Variants in USP37 observed in about 807,000 individuals in gnomAD.
USP37 encodes ubiquitin carboxyl-terminal hydrolase 37.
A neutral mutation model predicts 124.0 loss-of-function variants in USP37; 27 were observed. That is an observed-to-expected ratio of 0.22 (90% confidence interval 0.16 to 0.30). The LOEUF is 0.30. USP37 is among the 10% of genes least tolerant of loss of function. The probability of loss-of-function intolerance (pLI) is 1.00; values close to 1 mark genes in which losing one functional copy is unlikely to be tolerated. For synonymous variants in USP37, 365 were observed against 388.0 expected (o/e 0.94, Z 0.70); for missense variants, 889 against 1,140.4 (o/e 0.78, Z 3.17).
At chr2:218,558,401 TAGG>T (rs915166749) in intron 4 of USP37, 94 bp downstream of exon 4, 4 of 1,078,024 alleles carry the variant, frequency 3.7e-6, no homozygotes, top group Non-Finnish European at 5.1e-6. Context: ...AATATTAATC[TAGG>T]AGGAGGGCTA....
At chr2:218,500,926 A>G (rs1000411824) in intron 11 of USP37, 16 of 166,126 alleles carry the variant, frequency 9.6e-5, no homozygotes, top group African/African-American at 2.9e-4. Context: ...CGACAGACAC[A>G]CATGGAGTGG....
chr2:218,505,804 T>G (rs2105998510), intron 11 of USP37, among the ~76,000 whole-genome samples: 1 of 152,278 alleles, frequency 6.6e-6, no homozygotes, highest in East Asian at 1.9e-4. Context: ...GCTGGAAAGC[T>G]CTTTCAATAT....
At chr2:218,547,162 AATGG>A (rs1454356973) in intron 6 of USP37, 71 bp from the exon 7 acceptor site, 1 of 1,482,964 alleles carries the variant, frequency 6.7e-7, no homozygotes, top group Non-Finnish European at 9.0e-7. Flanking sequence ...GTGATTCTCC[AATGG>A]AAAGGTTTAA....
At chr2:218,520,253 T>C (rs1690531410) in intron 10 of USP37, among the ~76,000 whole-genome samples, 1 of 152,104 alleles carries the variant, frequency 6.6e-6, no homozygotes, top group South Asian at 2.1e-4. Flanking sequence ...ATTTTTTCTT[T>C]TAATTTTTAT....
chr2:218,457,280 T>A (rs1305760546), intron 23 of USP37, 119 bp from the exon 24 acceptor site: 4 of 970,052 alleles, frequency 4.1e-6, no homozygotes, highest in Non-Finnish European at 6.1e-6. Flanking sequence ...ATAGTAAGAA[T>A]CAATTAAAAA....
chr2:218,490,477 AT>A (rs989224192), intron 14 of USP37, among the ~76,000 whole-genome samples: 2 of 152,180 alleles, frequency 1.3e-5, no homozygotes, highest in African/African-American at 2.4e-5. Flanking sequence ...ACCATATTCA[AT>A]TTACCTAGAG....
intron 13 of USP37, among the ~76,000 whole-genome samples, chr2:218,496,571 C>G (rs1689091288): frequency 6.6e-6 from 1 of 152,232 alleles, no homozygotes; most frequent in South Asian, 2.1e-4. Context: ...TAACACAGCC[C>G]AGGTCCTTGC....
intron 4 of USP37, among the ~76,000 whole-genome samples, chr2:218,556,204 T>G (rs186131161): frequency 5.9e-5 from 9 of 152,316 alleles, no homozygotes; most frequent in Admixed American, 5.9e-4. Context: ...TCAGTGTCCA[T>G]ATATTTTAAA....
At chr2:218,550,909 T>C (rs1287089434) in intron 5 of USP37, among the ~76,000 whole-genome samples, 1 of 152,168 alleles carries the variant, frequency 6.6e-6, no homozygotes, top group African/African-American at 2.4e-5. Context: ...CCTTTGTCTT[T>C]TGTTCCTTGC....
chr2:218,502,049 C>A (rs371009459), intron 11 of USP37, among the ~76,000 whole-genome samples: 39 of 151,886 alleles, frequency 2.6e-4, no homozygotes, highest in African/African-American at 7.7e-4. Context: ...GGAAAGGAAG[C>A]AAATTAGCCT....
intron 16 of USP37, among the ~76,000 whole-genome samples, chr2:218,483,593 G>GAAAAAAAAAAAAAAAAAAAAAAAAA: frequency 8.8e-6 from 1 of 114,028 alleles, no homozygotes; most frequent in Admixed American, 9.2e-5. Flanking sequence ...GATCTACCAG[G>GAAAAAAAAAAAAAAAAAAAAAAAAA]AAAAAAAAAA....
At chr2:218,542,400 G>T (rs770334594) in intron 8 of USP37, among the ~76,000 whole-genome samples, 10 of 152,174 alleles carry the variant, frequency 6.6e-5, no homozygotes, top group Non-Finnish European at 1.2e-4. Context: ...AGACTGGCAT[G>T]CACAACCACA....
At chr2:218,478,363 T>C (rs1217250536) in intron 18 of USP37, among the ~76,000 whole-genome samples, 3 of 152,212 alleles carry the variant, frequency 2.0e-5, no homozygotes, top group Non-Finnish European at 4.4e-5. Flanking sequence ...AACCTGAACA[T>C]ATTAATTTGT....
chr2:218,539,194 A>G (rs1691833587), intron 8 of USP37, among the ~76,000 whole-genome samples: 1 of 151,950 alleles, frequency 6.6e-6, no homozygotes, highest in African/African-American at 2.4e-5. Flanking sequence ...CCAGGACTCA[A>G]GCCATCCACC....
chr2:218,537,584 A>G (rs2106032859), intron 8 of USP37, among the ~76,000 whole-genome samples: 1 of 152,378 alleles, frequency 6.6e-6, no homozygotes, highest in East Asian at 1.9e-4. Context: ...AAAAATGAAT[A>G]GTTACTATTT....
chr2:218,548,517 T>C (rs1461334063), intron 6 of USP37, among the ~76,000 whole-genome samples: 1 of 86 alleles, frequency 0.012, no homozygotes, highest in Non-Finnish European at 0.024. Context: ...ATTTATGTAT[T>C]TTTTTTTGTA....
intron 10 of USP37, among the ~76,000 whole-genome samples, chr2:218,524,515 G>A (rs1412889719): frequency 6.6e-6 from 1 of 152,156 alleles, no homozygotes; most frequent in Non-Finnish European, 1.5e-5. Context: ...TTTGTCCAAT[G>A]TTTTATTAAG....
intron 14 of USP37, among the ~76,000 whole-genome samples, chr2:218,494,103 T>G (rs953966556): frequency 7.9e-5 from 12 of 152,206 alleles, no homozygotes; most frequent in African/African-American, 2.9e-4. Flanking sequence ...GACAACCATT[T>G]ATCCACCAGG....
chr2:218,490,900 C>G (rs1163119159), intron 14 of USP37, among the ~76,000 whole-genome samples: 1 of 152,138 alleles, frequency 6.6e-6, no homozygotes, highest in Non-Finnish European at 1.5e-5. Flanking sequence ...TTGAGACAGG[C>G]TCTTGCTCTG....
Sources: allele counts gnomAD v4.1 joint callset (sites outside exome capture counted in the v4.1 genomes callset), GRCh38; gene constraint gnomAD v4.1.1; transcripts MANE v1.5; gene names NCBI Gene and HGNC (gene_info 2026-07-23, HGNC 2026-07-21).